SLC9D1: variants seen among roughly 807,000 people sequenced by gnomAD.
SLC9D1 encodes solute carrier family 9 member D1.
chr13:113,544,712 T>A, the SLC9D1 span, among the ~76,000 whole-genome samples: 2 of 152,242 alleles, frequency 1.3e-5, no homozygotes, highest in Non-Finnish European at 2.9e-5. Flanking sequence ...CCTGGCTGTG[T>A]CATCCGTGGC....
the SLC9D1 span, among the ~76,000 whole-genome samples, chr13:113,543,655 T>G: frequency 1.3e-5 from 2 of 149,266 alleles, no homozygotes; most frequent in African/African-American, 5.0e-5. Context: ...CTGACCTGAT[T>G]TTTCCCACAT....
At chr13:113,539,497 C>A in the SLC9D1 span, 1 of 1,612,158 alleles carries the variant, frequency 6.2e-7, no homozygotes, top group Non-Finnish European at 8.5e-7. This position sits in a 1 kb window ranked among gnomAD's most constrained non-coding sequence, Gnocchi z 4.8. Context: ...TCGTTTTCTT[C>A]GCCTCCATAG....
chr13:113,510,330 C>G, the SLC9D1 span: 1 of 1,614,206 alleles, frequency 6.2e-7, no homozygotes. Context: ...GGATCAAACC[C>G]ACGCAGAGCG....
the SLC9D1 span, chr13:113,491,298 G>A: frequency 6.5e-6 from 1 of 152,756 alleles, no homozygotes; most frequent in Non-Finnish European, 1.5e-5. Flanking sequence ...CGTCCATCCG[G>A]GGCTCTTTCC....
chr13:113,501,702 C>T, the SLC9D1 span: 4 of 1,512,004 alleles, frequency 2.6e-6, no homozygotes, highest in Non-Finnish European at 3.6e-6. Flanking sequence ...CAGCCCCCTT[C>T]TTACCACTGT....
chr13:113,549,508 G>T, the SLC9D1 span: 1 of 1,614,148 alleles, frequency 6.2e-7, no homozygotes, highest in Non-Finnish European at 8.5e-7. Flanking sequence ...CGAGGTGTGT[G>T]CCCAGACCGG....
At chr13:113,495,951 G>C in the SLC9D1 span, 1 of 1,613,968 alleles carries the variant, frequency 6.2e-7, no homozygotes, top group Non-Finnish European at 8.5e-7. Context: ...CCTGCAGGGG[G>C]ATTACAAAGA....
chr13:113,512,606 A>G, the SLC9D1 span, among the ~76,000 whole-genome samples: 1 of 150,868 alleles, frequency 6.6e-6, no homozygotes, highest in Admixed American at 6.6e-5. Context: ...GTGTAAACGG[A>G]GAGAGTCAGT....
chr13:113,511,147 G>A, the SLC9D1 span, among the ~76,000 whole-genome samples: 1 of 147,696 alleles, frequency 6.8e-6, no homozygotes, highest in African/African-American at 2.5e-5. Context: ...GTCCCTGTGC[G>A]GGGAGGCTTG....
chr13:113,510,306 GGGGCATCTCTTGC>G, the SLC9D1 span: 1 of 1,614,212 alleles, frequency 6.2e-7, no homozygotes, highest in Non-Finnish European at 8.5e-7. Context: ...GCTTGCTGTG[GGGGCATCTCTTGC>G]GGATCAAACC....
the SLC9D1 span, among the ~76,000 whole-genome samples, chr13:113,543,744 C>CT: frequency 1.3e-5 from 2 of 150,762 alleles, no homozygotes; most frequent in Non-Finnish European, 3.0e-5. Flanking sequence ...GTGTGCATGT[C>CT]TGAGAGCTCC....
the SLC9D1 span, chr13:113,549,378 CT>C: frequency 6.2e-7 from 1 of 1,602,002 alleles, no homozygotes; most frequent in South Asian, 1.1e-5. Flanking sequence ...GTTGCAGGTG[CT>C]AGTCCTGACA....
the SLC9D1 span, among the ~76,000 whole-genome samples, chr13:113,533,240 G>C: frequency 3.3e-5 from 5 of 149,324 alleles, no homozygotes; most frequent in Non-Finnish European, 7.4e-5. Flanking sequence ...GGCCGTTGTT[G>C]ATCCCTTCAT....
the SLC9D1 span, among the ~76,000 whole-genome samples, chr13:113,517,944 A>G: frequency 1.3e-5 from 2 of 152,138 alleles, no homozygotes; most frequent in Non-Finnish European, 2.9e-5. Context: ...TTATTTCTTT[A>G]AAAATCTGAA....
chr13:113,493,350 T>A, the SLC9D1 span, among the ~76,000 whole-genome samples: 1 of 152,234 alleles, frequency 6.6e-6, no homozygotes, highest in Non-Finnish European at 1.5e-5. Flanking sequence ...AACTGGGAAG[T>A]GTAAGCAAAG....
the SLC9D1 span, among the ~76,000 whole-genome samples, chr13:113,526,740 A>G: frequency 6.6e-6 from 1 of 152,196 alleles, no homozygotes; most frequent in African/African-American, 2.4e-5. Context: ...GCCTGAGTGT[A>G]CAGCGCCTGT....
the SLC9D1 span, chr13:113,536,589 CCA>C: frequency 1.0e-6 from 1 of 984,982 alleles, no homozygotes; most frequent in Admixed American, 6.2e-5. Context: ...TGTTGCCCTC[CCA>C]GTGGCTTCTT....
chr13:113,500,415 G>A, the SLC9D1 span, among the ~76,000 whole-genome samples: 28,186 of 152,104 alleles, frequency 0.19, 3,453 homozygotes, highest in African/African-American at 0.35. Context: ...TTACTGTAAT[G>A]GGATTAAAGC....
the SLC9D1 span, among the ~76,000 whole-genome samples, chr13:113,515,325 A>G: frequency 6.6e-6 from 1 of 152,216 alleles, no homozygotes; most frequent in African/African-American, 2.4e-5. Flanking sequence ...GGAAAGATAG[A>G]AGATGTGGAA....
Sources: allele counts gnomAD v4.1 joint callset (sites outside exome capture counted in the v4.1 genomes callset), GRCh38; gene constraint gnomAD v4.1.1; non-coding constraint Gnocchi (gnomAD v3.1); transcripts MANE v1.5; gene names NCBI Gene and HGNC (gene_info 2026-07-23, HGNC 2026-07-21).